Variants in PRPF38A observed in about 807,000 individuals in gnomAD.
The protein encoded by PRPF38A is pre-mRNA processing factor 38A, also known as pre-mRNA-splicing factor 38A.
A neutral mutation model predicts 46.8 loss-of-function variants in PRPF38A; 11 were observed. The ratio of observed to expected loss-of-function variants is 0.24; its 90% CI spans 0.15 to 0.39. PRPF38A has a LOEUF of 0.39. PRPF38A is among the 10% of genes least tolerant of loss of function. PRPF38A has a pLI of 1.00. For synonymous variants in PRPF38A, 124 were observed against 136.2 expected, an observed-to-expected ratio of 0.91 and a Z score of 0.62; for missense variants, 261 against 407.5, an observed-to-expected ratio of 0.64 and a Z score of 3.10.
Position 52,414,605 on chromosome 1 carries a change from C to A in PRPF38A, c.723-16C>A. On this transcript the variant is annotated splice_polypyrimidine_tract_variant and intron_variant, in intron 6 of 9. Transcript: ENST00000257181. ...GTGCGCCAACCTAGGCTTTCTTCTT[C>A]CTCTCCTCTTTATAGGCGGAGTCGA... The A allele has an allele frequency of 6.2e-7, 1 of 1,612,872 alleles. No homozygotes were observed. The highest frequency in any genetic ancestry group is 2.2e-5 in the East Asian group (1 of 44,874).
chr1:52,415,488 C>T (rs1472044890), intron 9 of PRPF38A, 102 bp downstream of exon 9: 2 of 962,614 alleles, frequency 2.1e-6, no homozygotes, highest in African/African-American at 1.6e-5. Flanking sequence ...AGGAATTCTC[C>T]TGCATTACAA....
chr1:52,414,451 G>A (rs1450294369), intron 6 of PRPF38A, among the ~76,000 whole-genome samples, 170 bp from the exon 7 acceptor site: 1 of 152,158 alleles, frequency 6.6e-6, no homozygotes. Flanking sequence ...AGCGAGTCAT[G>A]TCACCAGTCC....
intron 5 of PRPF38A, among the ~76,000 whole-genome samples, chr1:52,413,035 A>T (rs372678741): frequency 3.3e-5 from 5 of 152,316 alleles, no homozygotes; most frequent in African/African-American, 1.2e-4. Context: ...GCCAAAAACA[A>T]TATTTCCTTA....
chr1:52,414,293 A>G (rs967844061), intron 6 of PRPF38A, among the ~76,000 whole-genome samples: 3 of 151,956 alleles, frequency 2.0e-5, no homozygotes, highest in Non-Finnish European at 2.9e-5. Flanking sequence ...ATGACGGGGG[A>G]AATTTCTCTT....
chr1:52,413,021 T>A (rs917202457), intron 5 of PRPF38A, among the ~76,000 whole-genome samples: 5 of 152,108 alleles, frequency 3.3e-5, no homozygotes, highest in African/African-American at 1.2e-4. Flanking sequence ...TTTTTCTAAC[T>A]CTAGCCAAAA....
chr1:52,409,378 A>G (rs2147955860), intron 3 of PRPF38A: 1 of 152,462 alleles, frequency 6.6e-6, no homozygotes, highest in South Asian at 2.1e-4. Context: ...TAGGAGGCCA[A>G]CATGGGCAGA....
intron 3 of PRPF38A, among the ~76,000 whole-genome samples, chr1:52,409,853 A>T (rs1648098284): frequency 6.6e-6 from 1 of 152,046 alleles, no homozygotes; most frequent in Non-Finnish European, 1.5e-5. Flanking sequence ...TGGCTTGTGC[A>T]TCATAGAATG....
rs746684119 is a variant in PRPF38A, at chr1:52,413,906, C to T, written c.637C>T (p.Arg213Cys). Residue 213 changes from arginine to cysteine, a missense_variant, in exon 6 of 10, where the codon CGC becomes TGC. By Grantham distance (180) the Arg-to-Cys change is radical. Around this residue, in one of 2 missense-constraint regions of PRPF38A, gnomAD observed 180 missense variants for 221.0 expected, o/e 0.81. Transcript: ENST00000257181. The stretch of plus-strand genomic sequence containing the variant: ...GGAAAGAGTGCCATCACCTGATCAC[C>T]GCCGGAGAAGCTACCGAGACTTGGA... ...KLERVPSPDHRRRSYRDLDKP... is the reference protein window; with the variant it reads ...KLERVPSPDHCRRSYRDLDKP... 9.3e-6 allele frequency: 15 copies of T among 1,613,672 alleles called. No individual in the cohort carries two copies. Among genetic ancestry groups the T allele is most frequent in the Non-Finnish European group, 1.1e-5 (13 of 1,179,762 alleles).
intron 4 of PRPF38A, 100 bp downstream of exon 4, chr1:52,411,300 T>G: frequency 2.6e-6 from 2 of 773,294 alleles, no homozygotes; most frequent in South Asian, 3.2e-5. Flanking sequence ...CCTGTGGATC[T>G]TATGGGTCCT....
At chr1:52,409,812 A>G (rs1275794034) in intron 3 of PRPF38A, among the ~76,000 whole-genome samples, 3 of 152,104 alleles carry the variant, frequency 2.0e-5, no homozygotes, top group Non-Finnish European at 4.4e-5. Context: ...ACCTATTGAC[A>G]TTTTGGGTCA....
At chr1:52,416,600 T>C in intron 9 of PRPF38A, 48 bp from the exon 10 acceptor site, 1 of 1,485,624 alleles carries the variant, frequency 6.7e-7, no homozygotes, top group South Asian at 1.1e-5. Context: ...TGAGCCACCG[T>C]GCCTGGCTGC....
At chr1:52,409,523 A>AT (rs1349846351) in intron 3 of PRPF38A, 1 of 152,280 alleles carries the variant, frequency 6.6e-6, no homozygotes, top group East Asian at 1.9e-4. Context: ...AGGCAGGAGA[A>AT]TCCCTTGAAC....
rs1648354524 is a variant in PRPF38A, at chr1:52,418,521, C to A, written c.*1831C>A. 1 of 152,132 alleles carries A rather than the reference C, an allele frequency of 6.6e-6. No homozygotes were observed. Among genetic ancestry groups the A allele is most frequent in the East Asian group, 1.9e-4 (1 of 5,194 alleles). 9.4% of individuals were successfully genotyped at this position (152,132 alleles called of 1,614,324 possible). On this transcript the variant is annotated 3_prime_UTR_variant, in exon 10 of 10. Coordinates refer to ENST00000257181, the MANE Select transcript of PRPF38A (RefSeq NM_032864.4). ...AATAAATTTTAGTAACAGAAATAAA[C>A]CTCCCTAAACAAACATTAAAACATA... is the stretch of plus-strand genomic sequence containing the variant.
Position 52,415,325 on chromosome 1 carries a change from T to G in PRPF38A, c.848-13T>G, listed in dbSNP as rs780324501. On this transcript the variant is annotated splice_polypyrimidine_tract_variant and intron_variant, in intron 8 of 9. Coordinates refer to ENST00000257181, the MANE Select transcript of PRPF38A (RefSeq NM_032864.4). ...AAGGGTAGGATCTTATGCAATGGCC[T>G]TTTCTTCCCCAGGTCATCACCGTAG... The G allele has an allele frequency of 6.2e-7, 1 of 1,612,570 alleles. No individual in the cohort carries two copies. Among genetic ancestry groups the G allele is most frequent in the Non-Finnish European group, 8.5e-7 (1 of 1,178,864 alleles).
At chr1:52,410,342 C>T (rs1417220874) in intron 3 of PRPF38A, among the ~76,000 whole-genome samples, 1 of 149,474 alleles carries the variant, frequency 6.7e-6, no homozygotes, top group African/African-American at 2.4e-5. Context: ...AACAATATTT[C>T]CTTATTAAAA....
At position 52,412,608 on chromosome 1, in the gene PRPF38A, A is replaced by G. The variant is rs895481901; in HGVS notation, c.593A>G (p.Glu198Gly). 6.2e-7 allele frequency: 1 copy of G among 1,611,766 alleles called. No individual in the cohort carries two copies. The highest frequency in any genetic ancestry group is 8.5e-7 in the Non-Finnish European group (1 of 1,177,932). Residue 198 changes from glutamate (E) to glycine (G), a missense_variant, in exon 5 of 10, where the codon GAA becomes GGA. By Grantham distance (98) the Glu-to-Gly change is moderately conservative. Coordinates refer to ENST00000257181, the MANE Select transcript of PRPF38A (RefSeq NM_032864.4). Reference sequence around the variant, plus strand: ...GATGTGGAGTCCAGTGAAGAGGAAGAAGAGGAGGATGAGAAGGTCTGGCAC... The same window carrying G: ...GATGTGGAGTCCAGTGAAGAGGAAGGAGAGGAGGATGAGAAGGTCTGGCAC... ...MDDVESSEEE[E>G]EEDEKLERVP...
intron 4 of PRPF38A, 94 bp downstream of exon 4, chr1:52,411,294 T>A: frequency 2.5e-6 from 2 of 815,418 alleles, no homozygotes; most frequent in Non-Finnish European, 4.0e-6. Flanking sequence ...CTGAAGCCTG[T>A]GGATCTTATG....
intron 9 of PRPF38A, among the ~76,000 whole-genome samples, chr1:52,416,314 CTT>C (rs757059288): frequency 1.4e-5 from 2 of 142,100 alleles, no homozygotes; most frequent in Non-Finnish European, 1.6e-5. Context: ...CTCAGGACTC[CTT>C]TTTTTTTTTT....
In PRPF38A at chr1:52,419,769, G is replaced by C. The variant is rs572987318; in HGVS notation, c.*3079G>C. On this transcript the variant is annotated 3_prime_UTR_variant, in exon 10 of 10. Coordinates refer to ENST00000257181, the MANE Select transcript of PRPF38A (RefSeq NM_032864.4). ...ATATTCTGATGGTTTAAAAAGAATT[G>C]GCCGGGTGCGGTGGCTCACGCCTGT... 6.6e-6 allele frequency: 1 copy of C among 152,324 alleles called. No homozygotes were observed. The highest frequency in any genetic ancestry group is 1.9e-4 in the East Asian group (1 of 5,174). 9.4% of individuals were successfully genotyped at this position (152,324 alleles called of 1,614,324 possible).
Sources: gnomAD v4.1 joint callset for allele counts (sites outside exome capture counted in the v4.1 genomes callset) on GRCh38, gnomAD v4.1.1 for gene constraint, gnomAD v4.1.1 regional missense constraint, MANE v1.5 for transcripts, NCBI Gene and HGNC (gene_info 2026-07-23, HGNC 2026-07-21) for gene names.